The following ACO2 variants were observed in gnomAD, a reference collection of about 807,000 sequenced individuals.
The protein encoded by ACO2 is aconitase 2.
Under a neutral mutation model 84.5 loss-of-function variants are expected in ACO2, and 31 were observed. The ratio of observed to expected loss-of-function variants is 0.37; its 90% confidence interval spans 0.28 to 0.50. The LOEUF (loss-of-function observed/expected upper bound fraction) is 0.50. ACO2 is among the 20% of genes least tolerant of loss of function. The probability of loss-of-function intolerance (pLI) is 0.97; values close to 1 mark genes in which losing one functional copy is unlikely to be tolerated. For missense variants in ACO2, 685 were observed against 1,029.3 expected (o/e 0.67, Z 4.58); for synonymous variants, 414 against 412.7 (o/e 1.00, Z -0.04).
intron 3 of ACO2, among the ~76,000 whole-genome samples, chr22:41,509,341 C>T (rs908053639): frequency 1.3e-5 from 2 of 152,132 alleles, no homozygotes; most frequent in Admixed American, 1.3e-4. Context: ...AGGCACTGGG[C>T]TAGGTACTGA....
intron 1 of ACO2, among the ~76,000 whole-genome samples, chr22:41,476,185 A>T (rs7287931): frequency 0.017 from 2,635 of 152,210 alleles, 66 homozygotes; most frequent in African/African-American, 0.06. Flanking sequence ...AGGCAGGTGG[A>T]TCACCTGAGG....
At chr22:41,513,651 T>G (rs1225197812) in intron 4 of ACO2, among the ~76,000 whole-genome samples, 1 of 152,228 alleles carries the variant, frequency 6.6e-6, no homozygotes, top group Non-Finnish European at 1.5e-5. Flanking sequence ...CTGGATCATG[T>G]GCTCTGTGGG....
At chr22:41,512,129 C>A in intron 4 of ACO2, 161 bp downstream of exon 4, 1 of 548,464 alleles carries the variant, frequency 1.8e-6, no homozygotes, top group East Asian at 3.4e-5. Flanking sequence ...AACTGATTTT[C>A]ATTATGTCAT....
intron 2 of ACO2, among the ~76,000 whole-genome samples, chr22:41,500,684 C>T (rs1320069849): frequency 1.3e-5 from 2 of 151,640 alleles, no homozygotes; most frequent in Non-Finnish European, 2.9e-5. Flanking sequence ...TGCGCCTGGC[C>T]TATTTTATTT....
intron 7 of ACO2, among the ~76,000 whole-genome samples, chr22:41,517,998 GAACATTTGGA>G (rs1359687402): frequency 6.6e-6 from 1 of 152,200 alleles, no homozygotes; most frequent in African/African-American, 2.4e-5. Flanking sequence ...CCTAGCAGGG[GAACATTTGGA>G]AGGAGAACCA....
intron 2 of ACO2, among the ~76,000 whole-genome samples, chr22:41,503,419 C>T (rs1044403985): frequency 6.6e-6 from 1 of 152,084 alleles, no homozygotes; most frequent in South Asian, 2.1e-4. Flanking sequence ...CAACCTCTGC[C>T]TCCCAAGTTC....
chr22:41,517,141 C>T (rs2066481983), intron 6 of ACO2, among the ~76,000 whole-genome samples: 1 of 152,198 alleles, frequency 6.6e-6, no homozygotes, highest in South Asian at 2.1e-4. Flanking sequence ...GCCAGTTCCT[C>T]CCCTGCCAAA....
At chr22:41,475,897 CAA>C (rs34893746) in intron 1 of ACO2, among the ~76,000 whole-genome samples, 28 of 112,860 alleles carry the variant, frequency 2.5e-4, no homozygotes, top group Admixed American at 5.6e-4. Flanking sequence ...AACTCTGTCT[CAA>C]AAAAAAAAAA....
chr22:41,527,175 C>A, intron 15 of ACO2, 113 bp from the exon 16 acceptor site: 1 of 1,523,370 alleles, frequency 6.6e-7, no homozygotes, highest in East Asian at 2.3e-5. Flanking sequence ...GCCCCTTTAC[C>A]GGGAGCCTCA....
Position 41,511,840 on chromosome 22 carries a change from TG to T in ACO2, c.433-35del, listed in dbSNP as rs1569015519. 13 of 1,529,756 alleles carry T rather than the reference TG, an allele frequency of 8.5e-6. No homozygotes were observed. The South Asian group carries it at 1.6e-4, about 18-fold the overall frequency. The allele number at this position is 1,529,756 out of a possible 1,614,324, so 94.8% of individuals were successfully genotyped here. A position where few individuals can be genotyped will look rare whatever the true frequency, so the allele number is the denominator to read the frequency against. The stretch of plus-strand genomic sequence containing the variant: ...GTGAGGGTCACCTGGACACAAACCA[TG>T]TTGCTAACGCCCAATTATTGATTTG... On this transcript the variant is annotated intron_variant, in intron 3 of 17. Transcript: ENST00000216254.
chr22:41,521,035 C>CAAAAAAAAA (rs375633363), intron 9 of ACO2, among the ~76,000 whole-genome samples: 54 of 81,400 alleles, frequency 6.6e-4, no homozygotes, highest in East Asian at 1.0e-3. Flanking sequence ...AGCCTGCCTC[C>CAAAAAAAAA]AAAAAAAAAA....
chr22:41,474,012 G>A (rs890821862), intron 1 of ACO2, among the ~76,000 whole-genome samples: 1 of 152,130 alleles, frequency 6.6e-6, no homozygotes. Flanking sequence ...TGATCATCTG[G>A]GCTGCTGCGT....
intron 1 of ACO2, among the ~76,000 whole-genome samples, chr22:41,472,478 G>A (rs1160366088): frequency 6.6e-6 from 1 of 152,144 alleles, no homozygotes; most frequent in East Asian, 1.9e-4. Flanking sequence ...CTTCCCTTTG[G>A]CATCGAGCTC....
intron 1 of ACO2, among the ~76,000 whole-genome samples, chr22:41,479,970 C>T (rs1360448473): frequency 2.6e-5 from 4 of 152,234 alleles, no homozygotes; most frequent in Non-Finnish European, 4.4e-5. Context: ...AGACATGGCT[C>T]CTTGCTCCCT....
rs1327147691 is a variant in ACO2, at chr22:41,517,674, T to C, written c.940+43T>C. On this transcript the variant is annotated intron_variant, in intron 7 of 17. Transcript: ENST00000216254. ...GGCCCGTGTGGGTGGAACAGTCACA[T>C]GCCCGCTCCTCCCCAAGACAGAGCT... 3 of 1,510,598 alleles carry C rather than the reference T, an allele frequency of 2.0e-6. No homozygotes were observed. In the African/African-American group the frequency reaches 4.1e-5, roughly 21 times the overall value. The allele number at this position is 1,510,598 out of a possible 1,614,324, so 93.6% of individuals were successfully genotyped here.
At chr22:41,516,079 G>C in intron 6 of ACO2, 162 bp downstream of exon 6, 1 of 877,680 alleles carries the variant, frequency 1.1e-6, no homozygotes, top group South Asian at 1.5e-5. Flanking sequence ...GACAGCATTA[G>C]AGATTGTCTA....
chr22:41,526,152 C>T (rs2066590325), intron 14 of ACO2, 110 bp from the exon 15 acceptor site: 1 of 952,216 alleles, frequency 1.1e-6, no homozygotes, highest in Non-Finnish European at 1.6e-6. Flanking sequence ...CCTCTCACCC[C>T]TCTGTCACCC....
intron 2 of ACO2, among the ~76,000 whole-genome samples, chr22:41,505,622 C>T (rs1177286304): frequency 6.6e-6 from 1 of 152,130 alleles, no homozygotes; most frequent in Non-Finnish European, 1.5e-5. Flanking sequence ...CTCTGTCCCT[C>T]TGTGCTGCAG....
intron 1 of ACO2, among the ~76,000 whole-genome samples, chr22:41,493,744 C>A (rs1361408925): frequency 6.6e-6 from 1 of 152,014 alleles, no homozygotes; most frequent in Non-Finnish European, 1.5e-5. Context: ...GAGTTCGAGA[C>A]CATCCTGGGC....
Sources: allele counts gnomAD v4.1 joint callset (sites outside exome capture counted in the v4.1 genomes callset), GRCh38; gene constraint gnomAD v4.1.1; transcripts MANE v1.5; gene names NCBI Gene and HGNC (gene_info 2026-07-23, HGNC 2026-07-21).